The following CARS2 variants were observed in gnomAD, a reference collection of about 807,000 sequenced individuals.
CARS2 encodes cysteinyl-tRNA synthetase 2, mitochondrial.
A neutral mutation model predicts 68.8 loss-of-function variants in CARS2; 52 were observed. That is an observed-to-expected ratio of 0.76 (90% CI 0.61 to 0.95). The LOEUF (loss-of-function observed/expected upper bound fraction) is 0.95. CARS2 is among the 40% of genes least tolerant of loss of function. CARS2 has a pLI of 0.00. For missense variants in CARS2, 780 were observed against 754.2 expected, an observed-to-expected ratio of 1.03 and a Z score of -0.40; for synonymous variants, 314 against 303.6, an observed-to-expected ratio of 1.03 and a Z score of -0.36.
chr13:110,652,626 G>A (rs569768661), intron 9 of CARS2, among the ~76,000 whole-genome samples: 1 of 152,284 alleles, frequency 6.6e-6, no homozygotes, highest in Non-Finnish European at 1.5e-5. Context: ...CTTCTACCAG[G>A]AAGGAGCTCA....
At position 110,641,504 on chromosome 13, in the gene CARS2, TGTC is replaced by T. The variant is rs1887279027; in HGVS notation, c.*30_*32del. On this transcript the variant is annotated 3_prime_UTR_variant, in exon 15 of 15. Transcript: ENST00000257347. The stretch of plus-strand genomic sequence containing the variant: ...GACCCTGAGAAGCATGGGTGCGTCT[TGTC>T]GTGAGCAGGTTCATGGCTGTGCTCC... The T allele has an allele frequency of 8.3e-6, 13 of 1,561,280 alleles. No individual in the cohort carries two copies. Among genetic ancestry groups the T allele is most frequent in the African/African-American group, 2.7e-5 (2 of 73,876 alleles).
At chr13:110,663,563 C>T in intron 8 of CARS2, 45 bp from the exon 9 acceptor site, 1 of 1,603,714 alleles carries the variant, frequency 6.2e-7, no homozygotes, top group Non-Finnish European at 8.5e-7. Context: ...GGTGAGGAGA[C>T]TCTCTGGCCT....
intron 6 of CARS2, among the ~76,000 whole-genome samples, chr13:110,679,592 A>AG: frequency 4.6e-4 from 5 of 10,934 alleles, no homozygotes; most frequent in Admixed American, 1.1e-3. Flanking sequence ...AGAAAGAAAG[A>AG]AAGAAAGAGA....
At chr13:110,695,044 A>G (rs1428179655) in intron 3 of CARS2, among the ~76,000 whole-genome samples, 1 of 152,176 alleles carries the variant, frequency 6.6e-6, no homozygotes, top group African/African-American at 2.4e-5. Flanking sequence ...GCACTTTGCG[A>G]GGCCAAGGCA....
intron 9 of CARS2, among the ~76,000 whole-genome samples, chr13:110,652,297 A>T (rs927919946): frequency 1.1e-4 from 17 of 152,376 alleles, no homozygotes; most frequent in African/African-American, 3.8e-4. Flanking sequence ...TGGTCGTGGG[A>T]GCACAGAGCT....
chr13:110,662,952 T>C (rs4622384), intron 9 of CARS2: 397,690 of 454,828 alleles, frequency 0.87, 174,117 homozygotes, highest in South Asian at 0.89. Context: ...TCCGTGGGTG[T>C]GCCTGTTTTC....
intron 8 of CARS2, chr13:110,666,165 G>A (rs2062640870): frequency 3.0e-6 from 3 of 985,368 alleles, no homozygotes; most frequent in East Asian, 1.1e-4. Context: ...TCAGTGCTCG[G>A]CTCCCTGAGG....
Position 110,705,721 on chromosome 13 carries a change from C to G in CARS2, c.224+149G>C, listed in dbSNP as rs1226842465. The stretch of plus-strand genomic sequence containing the variant: ...CATACTTGCTCAATTCACACCCAAA[C>G]CTGCAAAAGCACCGCGCACCCCCAG... On this transcript the variant is annotated intron_variant, in intron 1 of 14. Transcript: ENST00000257347. This position sits in a 1 kb window ranked among gnomAD's most constrained non-coding sequence, Gnocchi z 4.0. 4 of 1,532,724 alleles carry G rather than the reference C, an allele frequency of 2.6e-6. No individual in the cohort carries two copies. In the African/African-American group the frequency reaches 4.1e-5, roughly 16 times the overall value. 94.9% of individuals were successfully genotyped at this position (1,532,724 alleles called of 1,614,324 possible).
At chr13:110,673,376 G>T (rs61888331) in intron 7 of CARS2, among the ~76,000 whole-genome samples, 2 of 152,224 alleles carry the variant, frequency 1.3e-5, no homozygotes, top group Non-Finnish European at 2.9e-5. Flanking sequence ...GATCAAGTGG[G>T]CTTCATCCCT....
chr13:110,664,722 C>T (rs541061198), intron 8 of CARS2: 1 of 862,218 alleles, frequency 1.2e-6, no homozygotes, highest in South Asian at 5.3e-5. Context: ...TCAAAATCCT[C>T]AGCCCTCAGG....
Position 110,676,477 on chromosome 13 carries a change from G to A in CARS2, c.785+497C>T, listed in dbSNP as rs1376971894. Among the ~76,000 whole-genome samples the A allele has an allele frequency of 3.9e-5, 6 of 152,126 alleles. No individual in the cohort carries two copies. On this transcript the variant is annotated intron_variant, in intron 7 of 14. Coordinates refer to ENST00000257347, the MANE Select transcript of CARS2 (RefSeq NM_024537.4). This position sits in a 1 kb window ranked among gnomAD's most constrained non-coding sequence, Gnocchi z 4.0. The stretch of plus-strand genomic sequence containing the variant: ...TCCCAGGCAGACAGTGGGAAGAGGA[G>A]CTTTGGTGACAGAGGACCCACATGA...
chr13:110,713,127 C>T (rs1453802017), intron 1 of CARS2: 2 of 1,426,526 alleles, frequency 1.4e-6, no homozygotes, highest in African/African-American at 2.9e-5. Context: ...GTCCGGGGGG[C>T]ATTACTCACG....
chr13:110,710,124 T>C (rs925902870), upstream of CARS2, among the ~76,000 whole-genome samples: 4 of 152,188 alleles, frequency 2.6e-5, no homozygotes, highest in African/African-American at 9.7e-5. Flanking sequence ...TTCACGCCTG[T>C]AATCCCAGCA....
intron 3 of CARS2, among the ~76,000 whole-genome samples, chr13:110,697,717 G>A (rs781094592): frequency 6.6e-6 from 1 of 152,228 alleles, no homozygotes; most frequent in East Asian, 1.9e-4. Context: ...ACAGGCGTGA[G>A]CCACTGCACC....
At chr13:110,682,108 C>T (rs2063174397) in intron 6 of CARS2, among the ~76,000 whole-genome samples, 1 of 152,030 alleles carries the variant, frequency 6.6e-6, no homozygotes, top group East Asian at 1.9e-4. Context: ...GGGATGCTGA[C>T]AGTGTGGGGG....
chr13:110,682,048 AC>A (rs2063172120), intron 6 of CARS2, among the ~76,000 whole-genome samples: 1 of 151,600 alleles, frequency 6.6e-6, no homozygotes, highest in South Asian at 2.1e-4. Context: ...CCGAGAGTGA[AC>A]CCTGATGCCA....
chr13:110,645,620 T>A, intron 12 of CARS2: 1 of 205,890 alleles, frequency 4.9e-6, no homozygotes, highest in African/African-American at 2.3e-5. Flanking sequence ...GGTAAATGGG[T>A]CTTTCCTTAA....
chr13:110,642,441 C>G lies in CARS2; in HGVS notation c.1497G>C (p.Gln499His). ...ELVRFRQKVR[Q>H]FALAMPEATG... ...TGGCCTCGGGCATGGCCAGCGCAAA[C>G]TGCCGGACCTTCTGCCGGAACCGCA... The change falls in exon 14 of 15, where the codon CAG becomes CAC. Residue 499 changes from glutamine to histidine, a missense_variant. Gln to His is a conservative substitution (Grantham distance 24). Coordinates refer to ENST00000257347, the MANE Select transcript of CARS2 (RefSeq NM_024537.4). The G allele has an allele frequency of 6.2e-7, 1 of 1,607,230 alleles. No homozygotes were observed. Among genetic ancestry groups the G allele is most frequent in the Non-Finnish European group, 8.5e-7 (1 of 1,177,324 alleles).
upstream of CARS2, among the ~76,000 whole-genome samples, chr13:110,710,007 C>T (rs750528688): frequency 4.6e-5 from 7 of 152,118 alleles, no homozygotes; most frequent in South Asian, 2.1e-4. Context: ...GAGTTGATTA[C>T]GGTAGCATAT....
Sources: allele counts gnomAD v4.1 joint callset (sites outside exome capture counted in the v4.1 genomes callset), GRCh38; gene constraint gnomAD v4.1.1; non-coding constraint Gnocchi (gnomAD v3.1); transcripts MANE v1.5; gene names NCBI Gene and HGNC (gene_info 2026-07-23, HGNC 2026-07-21).